Variants in WWP2 observed in about 807,000 individuals in gnomAD.
WWP2 encodes WW domain containing E3 ubiquitin protein ligase 2, also known as NEDD4-like E3 ubiquitin-protein ligase WWP2.
A neutral mutation model predicts 121.0 loss-of-function variants in WWP2; 57 were observed. The observed-to-expected ratio is 0.47, with a 90% CI of 0.38 to 0.59. The LOEUF (loss-of-function observed/expected upper bound fraction) is 0.59, where lower values mean the gene tolerates loss of function less well. WWP2 is among the 20% of genes least tolerant of loss of function. WWP2 has a pLI of 0.00. For synonymous variants in WWP2, 449 were observed against 441.3 expected (o/e 1.02, Z -0.22); for missense variants, 962 against 1,158.9 (o/e 0.83, Z 2.47).
chr16:69,846,049 C>CAAAAAAAAAAAAAAAAAAA (rs57201672), intron 6 of WWP2, among the ~76,000 whole-genome samples: 601 of 45,560 alleles, frequency 0.013, 85 homozygotes, highest in Non-Finnish European at 0.015. Context: ...GACTCCATCT[C>CAAAAAAAAAAAAAAAAAAA]AAAAAAAAAA....
At chr16:69,905,564 T>C (rs2058276597) in intron 8 of WWP2, among the ~76,000 whole-genome samples, 1 of 152,240 alleles carries the variant, frequency 6.6e-6, no homozygotes, top group Non-Finnish European at 1.5e-5. Context: ...TCAGCTGGTA[T>C]GTATTCTGCA....
In WWP2 at chr16:69,937,679, G is replaced by A. The variant is rs1764224618; in HGVS notation, c.2343+27G>A. 4 of 1,610,876 alleles carry A rather than the reference G, an allele frequency of 2.5e-6. No homozygotes were observed. Among genetic ancestry groups the A allele is most frequent in the Non-Finnish European group, 3.4e-6 (4 of 1,177,738 alleles). ...TGGGTCCCGGGCCCAGGCCTTGGCA[G>A]GGACATTTGGGCCATCAACCAAAGG... On this transcript the variant is annotated intron_variant, in intron 21 of 23. Transcript: ENST00000359154. The surrounding 1 kb of genome is among the most constrained non-coding windows in gnomAD (Gnocchi z 6.6).
chr16:69,857,065 G>A (rs1381971575), intron 6 of WWP2, among the ~76,000 whole-genome samples: 1 of 152,006 alleles, frequency 6.6e-6, no homozygotes, highest in Non-Finnish European at 1.5e-5. Context: ...ATTTCTGTCT[G>A]TCCTACAGTT....
chr16:69,857,639 C>T (rs982392587), intron 6 of WWP2, among the ~76,000 whole-genome samples: 1 of 148,690 alleles, frequency 6.7e-6, no homozygotes, highest in Non-Finnish European at 1.5e-5. Flanking sequence ...TTTCAAATGG[C>T]CTTTGAAGGT....
chr16:69,912,955 A>ATATAT (rs2058410528), intron 9 of WWP2, among the ~76,000 whole-genome samples: 1 of 8,362 alleles, frequency 1.2e-4, no homozygotes, highest in Non-Finnish European at 2.1e-4. Flanking sequence ...AAAAAAAAAA[A>ATATAT]ATATATATAT....
intron 13 of WWP2, 103 bp downstream of exon 13, chr16:69,930,361 C>T (rs955854902): frequency 6.5e-7 from 1 of 1,527,734 alleles, no homozygotes; most frequent in Admixed American, 2.1e-5. Context: ...GTGGTGCGTT[C>T]TACTGCCCTT....
chr16:69,920,698 G>T (rs1283593621), intron 10 of WWP2, among the ~76,000 whole-genome samples: 2 of 152,020 alleles, frequency 1.3e-5, no homozygotes, highest in Non-Finnish European at 2.9e-5. Context: ...CGGGTGGGAG[G>T]ATCACTTGAG....
intron 1 of WWP2, among the ~76,000 whole-genome samples, chr16:69,777,333 T>A: frequency 6.6e-6 from 1 of 152,010 alleles, no homozygotes; most frequent in Non-Finnish European, 1.5e-5. Context: ...CGGAGTCTCA[T>A]TCTGTCACCC....
chr16:69,921,803 G>A (rs1468318347), intron 10 of WWP2, among the ~76,000 whole-genome samples: 1 of 152,206 alleles, frequency 6.6e-6, no homozygotes. Flanking sequence ...ACTGGGCGCG[G>A]TGGCTCACGC....
chr16:69,930,787 G>A (rs1029465237), intron 13 of WWP2, among the ~76,000 whole-genome samples: 9 of 152,122 alleles, frequency 5.9e-5, no homozygotes, highest in African/African-American at 1.9e-4. Flanking sequence ...CGGGAGGATC[G>A]CTTAAGACCA....
intron 1 of WWP2, among the ~76,000 whole-genome samples, chr16:69,765,968 T>C (rs1244085276): frequency 6.6e-6 from 1 of 152,098 alleles, no homozygotes; most frequent in Non-Finnish European, 1.5e-5. Flanking sequence ...TGGCTCAGTC[T>C]CTTAACTCTA....
intron 9 of WWP2, 180 bp downstream of exon 9, chr16:69,909,030 A>T: frequency 7.2e-7 from 1 of 1,380,254 alleles, no homozygotes; most frequent in Non-Finnish European, 9.4e-7. Context: ...AGGACATATT[A>T]GAATTATTAG....
At chr16:69,852,732 T>G (rs2057242098) in intron 6 of WWP2, among the ~76,000 whole-genome samples, 1 of 152,248 alleles carries the variant, frequency 6.6e-6, no homozygotes, top group African/African-American at 2.4e-5. Context: ...AGCAGTTCTT[T>G]ATCAGATATA....
intron 8 of WWP2, among the ~76,000 whole-genome samples, chr16:69,889,336 A>G (rs979579278): frequency 6.6e-6 from 1 of 152,224 alleles, no homozygotes; most frequent in African/African-American, 2.4e-5. Context: ...AAAAATAAAA[A>G]TTAAATCTGA....
intron 7 of WWP2, among the ~76,000 whole-genome samples, 156 bp from the exon 8 acceptor site, chr16:69,887,883 T>C (rs1200835572): frequency 1.3e-5 from 2 of 152,366 alleles, no homozygotes; most frequent in East Asian, 1.9e-4. Context: ...TGCTGTACTT[T>C]TCAAAGTCAT....
At position 69,871,794 on chromosome 16, in the gene WWP2, G is replaced by C; in HGVS notation, c.576-10G>C. 6.2e-7 allele frequency: 1 copy of C among 1,613,844 alleles called. No homozygotes were observed. The highest frequency in any genetic ancestry group is 1.1e-5 in the South Asian group (1 of 91,042). ...CTTATGTCTGTCTGCTTTCTACTTT[G>C]AACCCCCAGGACGCACAGACATTCG... On this transcript the variant is annotated splice_polypyrimidine_tract_variant and intron_variant, in intron 6 of 23. Transcript: ENST00000359154.
Position 69,917,844 on chromosome 16 carries a change from G to T in WWP2, c.1140G>T (p.Gln380His). Residue 380 changes from glutamine to histidine, a missense_variant, in exon 10 of 24, where the codon CAG (glutamine) becomes CAT (histidine). By Grantham distance (24) the Gln-to-His change is conservative. This residue lies in a region of WWP2 where 606 missense variants were observed against 772.6 expected (regional missense o/e 0.78). Coordinates refer to ENST00000359154, the MANE Select transcript of WWP2 (RefSeq NM_001270454.2). ...EQWQSQRNQL[Q>H]GAMQHFSQRF... Reference sequence around the variant, plus strand: ...GGCAGTCGCAGCGGAATCAGCTCCAGGGGGCCATGCAGCACTTCAGCCAAA... The same window carrying T: ...GGCAGTCGCAGCGGAATCAGCTCCATGGGGCCATGCAGCACTTCAGCCAAA... 6.2e-7 allele frequency: 1 copy of T among 1,613,750 alleles called. No individual in the cohort carries two copies. The highest frequency in any genetic ancestry group is 1.1e-5 in the South Asian group (1 of 91,072).
intron 4 of WWP2, among the ~76,000 whole-genome samples, chr16:69,835,385 C>G (rs2056858640): frequency 6.6e-6 from 1 of 152,112 alleles, no homozygotes; most frequent in Non-Finnish European, 1.5e-5. Flanking sequence ...TATAGGGTTC[C>G]TCTGGCTCAA....
intron 4 of WWP2, among the ~76,000 whole-genome samples, chr16:69,801,437 T>A (rs2056164497): frequency 6.6e-6 from 1 of 152,026 alleles, no homozygotes; most frequent in Non-Finnish European, 1.5e-5. Context: ...GGTCTCACTA[T>A]GTTGCCAGGA....
Sources: gnomAD v4.1 joint callset for allele counts (sites outside exome capture counted in the v4.1 genomes callset) on GRCh38, gnomAD v4.1.1 for gene constraint, gnomAD v4.1.1 regional missense constraint, Gnocchi (gnomAD v3.1) non-coding constraint, MANE v1.5 for transcripts, NCBI Gene and HGNC (gene_info 2026-07-23, HGNC 2026-07-21) for gene names.